TMEM171: variants seen among roughly 807,000 people sequenced by gnomAD.
TMEM171 encodes the protein transmembrane protein 171, also known as proline-rich protein PRP2.
Under a neutral mutation model 19.1 loss-of-function variants are expected in TMEM171, and 16 were observed. The observed-to-expected ratio is 0.84, with a 90% CI of 0.57 to 1.27. The LOEUF is 1.27. Ranked by LOEUF, TMEM171 falls within the 50% of genes most tolerant of loss-of-function variation. The pLI, the probability that TMEM171 is intolerant of heterozygous loss-of-function variation, is 0.00. For missense variants in TMEM171, 429 were observed against 412.7 expected (o/e 1.04, Z -0.34); for synonymous variants, 153 against 163.4 (o/e 0.94, Z 0.48).
intron 3 of TMEM171, among the ~76,000 whole-genome samples, chr5:73,129,166 C>G (rs1034554327): frequency 2.6e-5 from 4 of 152,202 alleles, no homozygotes; most frequent in Admixed American, 6.5e-5. Flanking sequence ...GAAGTACACT[C>G]CACAGGGTGG....
chr5:73,123,590 G>A lies in TMEM171; in HGVS notation c.217G>A (p.Ala73Thr), dbSNP rs766234322. 1.9e-6 allele frequency: 3 copies of A among 1,614,230 alleles called. No individual in the cohort carries two copies. Among genetic ancestry groups the A allele is most frequent in the East Asian group, 2.2e-5 (1 of 44,892 alleles). The change falls in exon 2 of 4, where the codon GCT (alanine) becomes ACT (threonine). Residue 73 changes from alanine (A) to threonine (T), a missense_variant. Transcript: ENST00000454765. ...GPACAVVGLG[A>T]VILARSRAQL... ...TGCATGTGCCGTGGTTGGGCTTGGG[G>A]CTGTGATCCTGGCCCGCTCCCGGGC...
intron 2 of TMEM171, among the ~76,000 whole-genome samples, chr5:73,127,384 A>AAAAAATATATATATATATATATAT: frequency 3.4e-4 from 28 of 81,676 alleles, no homozygotes; most frequent in African/African-American, 6.6e-4. Context: ...AAAAAAAAAA[A>AAAAAATATATATATATATATATAT]ATATATATAT....
chr5:73,128,392 G>T lies in TMEM171; in HGVS notation c.643G>T (p.Asp215Tyr). Residue 215 changes from aspartate (D) to tyrosine (Y), a missense_variant and splice_region_variant, in exon 3 of 4, where the codon GAC (aspartate) becomes TAC (tyrosine). Physicochemically the swap from Asp to Tyr is radical, Grantham distance 160. Transcript: ENST00000454765. ...AACTAAATATTGTTTTGCCTTAGGT[G>T]ACTCGGTAATAATATTTCCACCCCC... ...IMEPVQVTVG[D>Y]SVIIFPPPPP... is the part of the protein sequence containing the mutation. 1 of 1,614,038 alleles carries T rather than the reference G, an allele frequency of 6.2e-7. No individual in the cohort carries two copies. The highest frequency in any genetic ancestry group is 1.1e-5 in the South Asian group (1 of 91,046).
intron 3 of TMEM171, among the ~76,000 whole-genome samples, chr5:73,130,094 G>C (rs1480815302): frequency 6.6e-6 from 1 of 152,162 alleles, no homozygotes; most frequent in Non-Finnish European, 1.5e-5. Context: ...CTTGGTTTCG[G>C]TGGGGAAAGG....
rs150651292 is a variant in TMEM171 at position 73,127,369 on chromosome 5, T to TAAAAAAAAAAAAA, written c.641-1017_641-1005dup. ...AGGCCTACTTTTAAAAAATTTGTGG[T>TAAAAAAAAAAAAA]AAAAAAAAAAAAAAAATATATATAT... is the stretch of plus-strand genomic sequence containing the variant. On this transcript the variant is annotated intron_variant, in intron 2 of 3. Transcript: ENST00000454765. Among the ~76,000 whole-genome samples the TAAAAAAAAAAAAA allele has an allele frequency of 3.0e-4, 29 of 97,190 alleles. 1 individual carries two copies. The highest frequency in any genetic ancestry group is 4.9e-4 in the Non-Finnish European group (26 of 52,854). The allele number at this position is 97,190 out of a possible 152,430, so 63.8% of individuals were successfully genotyped here. A position where few individuals can be genotyped will look rare whatever the true frequency, so the allele number is the denominator to read the frequency against.
chr5:73,129,065 G>A (rs151055880), intron 3 of TMEM171, among the ~76,000 whole-genome samples: 21 of 152,286 alleles, frequency 1.4e-4, no homozygotes, highest in East Asian at 5.8e-4. Context: ...GGGTGTCCAC[G>A]TACTTTGTGT....
intron 2 of TMEM171, among the ~76,000 whole-genome samples, chr5:73,125,146 A>G (rs560119547): frequency 7.9e-5 from 12 of 152,234 alleles, no homozygotes; most frequent in Admixed American, 1.3e-4. Flanking sequence ...TTCCTTGTGT[A>G]GAGCCAGGGT....
At chr5:73,128,815 G>A (rs528566719) in intron 3 of TMEM171, among the ~76,000 whole-genome samples, 115 of 152,252 alleles carry the variant, frequency 7.6e-4, no homozygotes, top group African/African-American at 2.2e-3. Context: ...AACCCTTGCC[G>A]GGTGCTGTGG....
Position 73,127,380 on chromosome 5 carries a change from AAAAAAT to A in TMEM171, c.641-1008_641-1003del, listed in dbSNP as rs200888164. On this transcript the variant is annotated intron_variant, in intron 2 of 3. Coordinates refer to ENST00000454765, the MANE Select transcript of TMEM171 (RefSeq NM_173490.8). ...TAAAAAATTTGTGGTAAAAAAAAAAAAAAAATATATATATATATATATATATAAAGC... is the reference window on the plus strand; with the variant it reads ...TAAAAAATTTGTGGTAAAAAAAAAAAATATATATATATATATATATAAAGC... Among the ~76,000 whole-genome samples the A allele has an allele frequency of 3.3e-3, 202 of 61,482 alleles. 8 individuals carry two copies. Among genetic ancestry groups the A allele is most frequent in the African/African-American group, 0.017 (193 of 11,484 alleles). 40.3% of individuals were successfully genotyped at this position (61,482 alleles called of 152,430 possible). A position where few individuals can be genotyped will look rare whatever the true frequency, so the allele number is the denominator to read the frequency against.
rs758018536 is a variant in TMEM171, at chr5:73,131,589, A to G, written c.834A>G (p.Ile278Met). 3.1e-6 allele frequency: 5 copies of G among 1,613,562 alleles called. No individual in the cohort carries two copies. Among genetic ancestry groups the G allele is most frequent in the African/African-American group, 1.3e-5 (1 of 74,850 alleles). ...CCTCTGAAAGAGACTGTGAATCTATATATACCATTTCTGGGACGAATTCAT... is the reference window on the plus strand; with the variant it reads ...CCTCTGAAAGAGACTGTGAATCTATGTATACCATTTCTGGGACGAATTCAT... ...GAASERDCES[I>M]YTISGTNSSS... Residue 278 changes from isoleucine (I) to methionine (M), a missense_variant, in exon 4 of 4, where the codon ATA becomes ATG. By Grantham distance (10) the Ile-to-Met change is conservative (BLOSUM62 1). Transcript: ENST00000454765.
rs763171297 is a variant in TMEM171, at chr5:73,123,994, G to A, written c.621G>A (p.Glu207=). 2 of 1,570,160 alleles carry A rather than the reference G, an allele frequency of 1.3e-6. No individual in the cohort carries two copies. Among genetic ancestry groups the A allele is most frequent in the African/African-American group, 2.7e-5 (2 of 73,026 alleles). ...EREEGQIQIM[E]PVQVTVGDSV... The stretch of plus-strand genomic sequence containing the variant: ...AAGAGGGACAGATCCAGATTATGGA[G>A]CCTGTCCAGGTCACTGTAGGTGGGT... The change falls in exon 2 of 4, where the codon GAG becomes GAA. Residue 207 remains glutamate (E), a synonymous_variant. Transcript: ENST00000454765.
chr5:73,127,384 A>AATATATATATATAT (rs59879336), intron 2 of TMEM171, among the ~76,000 whole-genome samples: 42 of 81,682 alleles, frequency 5.1e-4, no homozygotes, highest in African/African-American at 2.4e-3. Flanking sequence ...AAAAAAAAAA[A>AATATATATATATAT]ATATATATAT....
Position 73,127,369 on chromosome 5 carries a change from T to TAAAAAAAAA in TMEM171, c.641-1013_641-1005dup, listed in dbSNP as rs150651292. Among the ~76,000 whole-genome samples, 41 of 97,166 alleles carry TAAAAAAAAA rather than the reference T, an allele frequency of 4.2e-4. 1 individual carries two copies. The highest frequency in any genetic ancestry group is 1.0e-3 in the East Asian group (3 of 2,990). The allele number at this position is 97,166 out of a possible 152,430, so 63.7% of individuals were successfully genotyped here. A position where few individuals can be genotyped will look rare whatever the true frequency, so the allele number is the denominator to read the frequency against. On this transcript the variant is annotated intron_variant, in intron 2 of 3. Coordinates refer to ENST00000454765, the MANE Select transcript of TMEM171 (RefSeq NM_173490.8). ...AGGCCTACTTTTAAAAAATTTGTGG[T>TAAAAAAAAA]AAAAAAAAAAAAAAAATATATATAT...
intron 3 of TMEM171, among the ~76,000 whole-genome samples, 154 bp downstream of exon 3, chr5:73,128,685 G>GA (rs1043402459): frequency 9.4e-5 from 1 of 10,624 alleles, no homozygotes; most frequent in Non-Finnish European, 1.3e-4. Flanking sequence ...TACCTTTGCC[G>GA]AAATTTGGGC....
In TMEM171 at chr5:73,128,079, C is replaced by T. The variant is rs143504268; in HGVS notation, c.641-311C>T. 6.8e-4 allele frequency among the ~76,000 whole-genome samples: 104 copies of T among 152,196 alleles called. 1 individual carries two copies. The highest frequency in any genetic ancestry group is 2.5e-3 in the African/African-American group (102 of 41,506). ...TTAAATGGTTTAGTGGCATTGAATA[C>T]AGTCACAATGTTGTTCAACCATTAT... On this transcript the variant is annotated intron_variant, in intron 2 of 3. Coordinates refer to ENST00000454765, the MANE Select transcript of TMEM171 (RefSeq NM_173490.8).
In TMEM171 at chr5:73,131,802, C is replaced by T; in HGVS notation, c.*72C>T. The T allele has an allele frequency of 7.3e-7, 1 of 1,365,766 alleles. No homozygotes were observed. 84.6% of individuals were successfully genotyped at this position (1,365,766 alleles called of 1,614,324 possible). ...TTTAATTTTTTTTAAATAAAAAATA[C>T]AATAGCATTGGCTATATTCTGACTT... On this transcript the variant is annotated 3_prime_UTR_variant, in exon 4 of 4. Coordinates refer to ENST00000454765, the MANE Select transcript of TMEM171 (RefSeq NM_173490.8).
At chr5:73,128,986 G>C (rs146480219) in intron 3 of TMEM171, among the ~76,000 whole-genome samples, 1 of 152,160 alleles carries the variant, frequency 6.6e-6, no homozygotes, top group Non-Finnish European at 1.5e-5. Context: ...CTAGCTACTC[G>C]GGAGGCTGAG....
chr5:73,131,429 T>C, intron 3 of TMEM171, 109 bp from the exon 4 acceptor site: 1 of 808,100 alleles, frequency 1.2e-6, no homozygotes, highest in Non-Finnish European at 1.8e-6. Flanking sequence ...CTCAGATTCT[T>C]GCAAATACTC....
intron 2 of TMEM171, among the ~76,000 whole-genome samples, chr5:73,124,612 G>A (rs950107762): frequency 1.3e-5 from 2 of 152,198 alleles, no homozygotes; most frequent in African/African-American, 4.8e-5. Flanking sequence ...CCTCTGCACT[G>A]TCTCTGTGTT....
Sources: gnomAD v4.1 joint callset for allele counts (sites outside exome capture counted in the v4.1 genomes callset) on GRCh38, gnomAD v4.1.1 for gene constraint, MANE v1.5 for transcripts, NCBI Gene and HGNC (gene_info 2026-07-23, HGNC 2026-07-21) for gene names.